The following ZMYND8 variants were observed in gnomAD, a reference collection of about 807,000 sequenced individuals.
ZMYND8 encodes the protein zinc finger MYND-type containing 8.
In ZMYND8, 37 loss-of-function variants were observed where a neutral mutation model predicts 140.8. The observed-to-expected ratio is 0.26, with a 90% CI of 0.20 to 0.35. The LOEUF is 0.35. ZMYND8 is among the 10% of genes least tolerant of loss of function. The probability of loss-of-function intolerance (pLI) is 1.00; values close to 1 mark genes in which losing one functional copy is unlikely to be tolerated. For missense variants in ZMYND8, 1,068 were observed against 1,570.0 expected (o/e 0.68, Z 5.40); for synonymous variants, 592 against 597.1 (o/e 0.99, Z 0.12).
intron 14 of ZMYND8, among the ~76,000 whole-genome samples, chr20:47,245,327 A>G (rs1295991182): frequency 6.6e-6 from 1 of 151,442 alleles, no homozygotes; most frequent in Non-Finnish European, 1.5e-5. Context: ...GCTCACTGCA[A>G]CCTCCGCCTC....
rs751475266 is a variant in ZMYND8 at position 47,276,615 on chromosome 20, G to A, written c.1179C>T (p.Ser393=). Reference sequence around the variant, plus strand: ...TGGGATCGAGCAGCATTTGATACTGGCTGTTGGGTGTGTAGGGTGTCCTAA... The same window carrying A: ...TGGGATCGAGCAGCATTTGATACTGACTGTTGGGTGTGTAGGGTGTCCTAA... ...SPFRTPYTPN[S]QYQMLLDPTN... Residue 393 remains serine, a synonymous_variant, in exon 11 of 23, where the codon AGC becomes AGT. Coordinates refer to ENST00000471951, the MANE Select transcript of ZMYND8 (RefSeq NM_001281775.3). 3.7e-6 allele frequency: 6 copies of A among 1,613,880 alleles called. No homozygotes were observed. The highest frequency in any genetic ancestry group is 5.1e-6 in the Non-Finnish European group (6 of 1,180,006).
rs548119881 is a variant in ZMYND8, at chr20:47,336,719, C to T, written c.85+11137G>A. Among the ~76,000 whole-genome samples, 17 of 152,242 alleles carry T rather than the reference C, an allele frequency of 1.1e-4. 1 individual carries two copies. The East Asian group carries it at 3.1e-3, about 28-fold the overall frequency. On this transcript the variant is annotated intron_variant, in intron 2 of 22. Transcript: ENST00000471951. ...CCGGAAATGCGTTTTGTTGGGTTCA[C>T]GCATGATCTTTAGAGAAGCCAGTCT...
chr20:47,228,080 G>A (rs1247956854), intron 17 of ZMYND8, among the ~76,000 whole-genome samples: 11 of 144,970 alleles, frequency 7.6e-5, no homozygotes, highest in East Asian at 3.9e-4. Flanking sequence ...GTGACAGAGC[G>A]AGACTCTTCT....
At chr20:47,327,337 A>C (rs1474215407) in intron 2 of ZMYND8, among the ~76,000 whole-genome samples, 1 of 151,768 alleles carries the variant, frequency 6.6e-6, no homozygotes, top group Admixed American at 6.6e-5. Flanking sequence ...AAATAAGGTC[A>C]TTCACAGATG....
chr20:47,256,796 G>A (rs2074766287), intron 12 of ZMYND8, among the ~76,000 whole-genome samples: 1 of 152,134 alleles, frequency 6.6e-6, no homozygotes, highest in South Asian at 2.1e-4. Flanking sequence ...TGCACAAAAA[G>A]AAAGGATGCC....
intron 4 of ZMYND8, among the ~76,000 whole-genome samples, chr20:47,295,036 G>A (rs2077551486): frequency 6.6e-6 from 1 of 152,312 alleles, no homozygotes; most frequent in East Asian, 1.9e-4. Context: ...GAAAAGATGT[G>A]GCTAAACAGG....
intron 11 of ZMYND8, among the ~76,000 whole-genome samples, chr20:47,265,429 A>AGTTTGTTTGTTT (rs3084704): frequency 4.2e-4 from 64 of 151,232 alleles, no homozygotes; most frequent in South Asian, 1.0e-3. Flanking sequence ...CGACAGGTCA[A>AGTTTGTTTGTTT]GTTTGTTTGT....
At chr20:47,272,048 A>T (rs1420036313) in intron 11 of ZMYND8, among the ~76,000 whole-genome samples, 3 of 100,918 alleles carry the variant, frequency 3.0e-5, no homozygotes, top group African/African-American at 1.7e-4. Context: ...TTTCACAATT[A>T]TAAAAAAAGG....
At chr20:47,350,837 G>C (rs189877878) in intron 1 of ZMYND8, among the ~76,000 whole-genome samples, 1 of 152,138 alleles carries the variant, frequency 6.6e-6, no homozygotes, top group Non-Finnish European at 1.5e-5. Context: ...TCCCTTTAAA[G>C]GTCTGTTGAG....
chr20:47,255,017 G>A (rs956643735), intron 12 of ZMYND8, among the ~76,000 whole-genome samples: 3 of 152,080 alleles, frequency 2.0e-5, no homozygotes, highest in African/African-American at 4.8e-5. Flanking sequence ...AGTGGCGCGC[G>A]CCTGTAATCC....
At chr20:47,355,428 G>A (rs1385049307) in intron 1 of ZMYND8, 1 of 984,888 alleles carries the variant, frequency 1.0e-6, no homozygotes, top group South Asian at 4.7e-5. Context: ...TGGTCACAGA[G>A]GAAATGGATT....
At chr20:47,226,395 T>C (rs2037714642) in intron 18 of ZMYND8, among the ~76,000 whole-genome samples, 1 of 152,196 alleles carries the variant, frequency 6.6e-6, no homozygotes, top group African/African-American at 2.4e-5. Flanking sequence ...CAATCACTTC[T>C]ACCTTTGGGG....
intron 13 of ZMYND8, among the ~76,000 whole-genome samples, chr20:47,248,413 T>C (rs923774367): frequency 3.3e-5 from 5 of 152,242 alleles, no homozygotes; most frequent in African/African-American, 1.2e-4. Context: ...TGTTGTCCTC[T>C]GGATAGCCCC....
rs2074169528 is a variant in ZMYND8 at position 47,251,514 on chromosome 20, G to A, written c.1622-2075C>T. Among the ~76,000 whole-genome samples, 3 of 151,774 alleles carry A rather than the reference G, an allele frequency of 2.0e-5. 1 individual carries two copies. Among genetic ancestry groups the A allele is most frequent in the African/African-American group, 7.3e-5 (3 of 41,316 alleles). The stretch of plus-strand genomic sequence containing the variant: ...AAGTAGGAGGACTGCTTGAGCCCAG[G>A]AGTTTGAGGCTGCAGTGAGCCATGA... On this transcript the variant is annotated intron_variant, in intron 12 of 22. Coordinates refer to ENST00000471951, the MANE Select transcript of ZMYND8 (RefSeq NM_001281775.3).
Position 47,335,394 on chromosome 20 carries a change from G to T in ZMYND8, c.85+12462C>A, listed in dbSNP as rs539612768. 3.9e-4 allele frequency among the ~76,000 whole-genome samples: 59 copies of T among 152,024 alleles called. No homozygotes were observed. The South Asian group carries it at 7.1e-3, about 18-fold the overall frequency. Reference sequence around the variant, plus strand: ...GAGGGGAGTCACAGGAAGTTGAAGGGGGCTTATTATCATTCCACTCACCCT... The same window carrying T: ...GAGGGGAGTCACAGGAAGTTGAAGGTGGCTTATTATCATTCCACTCACCCT... On this transcript the variant is annotated intron_variant, in intron 2 of 22. Coordinates refer to ENST00000471951, the MANE Select transcript of ZMYND8 (RefSeq NM_001281775.3).
chr20:47,248,181 T>G (rs759763391), intron 13 of ZMYND8, among the ~76,000 whole-genome samples: 3 of 152,360 alleles, frequency 2.0e-5, no homozygotes, highest in Non-Finnish European at 4.4e-5. Context: ...AAAATGGGAC[T>G]GATAAAAGTA....
chr20:47,252,834 G>A (rs1241394769), intron 12 of ZMYND8, among the ~76,000 whole-genome samples: 6 of 151,996 alleles, frequency 3.9e-5, no homozygotes, highest in East Asian at 1.9e-4. Context: ...TGGGAGGATC[G>A]CTTGAGCCCA....
chr20:47,227,521 T>G (rs1278445312), intron 17 of ZMYND8, among the ~76,000 whole-genome samples: 1 of 152,234 alleles, frequency 6.6e-6, no homozygotes, highest in Admixed American at 6.5e-5. Context: ...GAAAGCCACT[T>G]AAAGTGACAA....
intron 2 of ZMYND8, among the ~76,000 whole-genome samples, chr20:47,328,532 C>T (rs1347970248): frequency 6.6e-6 from 1 of 152,052 alleles, no homozygotes; most frequent in Non-Finnish European, 1.5e-5. Flanking sequence ...GGCATGATCT[C>T]AGCTCACTAC....
Sources: allele counts gnomAD v4.1 joint callset (sites outside exome capture counted in the v4.1 genomes callset), GRCh38; gene constraint gnomAD v4.1.1; transcripts MANE v1.5; gene names NCBI Gene and HGNC (gene_info 2026-07-23, HGNC 2026-07-21).